Variants in CRB1 observed in about 807,000 individuals in gnomAD.
CRB1 encodes crumbs cell polarity complex component 1, also known as protein crumbs homolog 1.
A neutral mutation model predicts 120.0 loss-of-function variants in CRB1; 83 were observed. That is an observed-to-expected ratio of 0.69 (90% confidence interval 0.58 to 0.83). The LOEUF (loss-of-function observed/expected upper bound fraction) is 0.83, where lower values mean the gene tolerates loss of function less well. Among genes scored for constraint, CRB1 ranks in the 40% least tolerant of loss-of-function variants. The probability of loss-of-function intolerance (pLI) is 0.00; values close to 1 mark genes in which losing one functional copy is unlikely to be tolerated. For synonymous variants in CRB1, 625 were observed against 612.5 expected, an observed-to-expected ratio of 1.02 and a Z score of -0.30; for missense variants, 1,699 against 1,687.6, an observed-to-expected ratio of 1.01 and a Z score of -0.12.
chr1:197,390,823 C>T (rs999730006), intron 5 of CRB1, among the ~76,000 whole-genome samples: 1 of 151,910 alleles, frequency 6.6e-6, no homozygotes, highest in African/African-American at 2.4e-5. Context: ...TGATTGATCT[C>T]TTTTTAGGTA....
chr1:197,342,391 T>C (rs780322608), intron 2 of CRB1, among the ~76,000 whole-genome samples: 12 of 152,198 alleles, frequency 7.9e-5, no homozygotes, highest in Non-Finnish European at 1.6e-4. Context: ...TGTCTGTCAT[T>C]GCTCTCTAAA....
At chr1:197,392,854 G>C (rs1187430320) in intron 5 of CRB1, among the ~76,000 whole-genome samples, 1 of 152,060 alleles carries the variant, frequency 6.6e-6, no homozygotes, top group African/African-American at 2.4e-5. Flanking sequence ...TGTAACTGAA[G>C]AGTTGGGAAT....
At chr1:197,403,582 C>T (rs1044677250) in intron 5 of CRB1, among the ~76,000 whole-genome samples, 2 of 152,010 alleles carry the variant, frequency 1.3e-5, no homozygotes, top group Non-Finnish European at 2.9e-5. Flanking sequence ...TGGTAGATAT[C>T]TGAGTTCTTG....
the CRB1 span, among the ~76,000 whole-genome samples, chr1:197,260,484 A>G: frequency 1.3e-5 from 2 of 151,948 alleles, no homozygotes; most frequent in Admixed American, 6.6e-5. Context: ...ATAAAACCCA[A>G]TGGGAACCCC....
intron 7 of CRB1, chr1:197,428,868 C>T (rs1383413914): frequency 5.0e-6 from 6 of 1,191,090 alleles, no homozygotes; most frequent in African/African-American, 1.5e-5. Flanking sequence ...CCAGGACAAA[C>T]ACAGTTCATG....
intron 5 of CRB1, among the ~76,000 whole-genome samples, chr1:197,415,790 C>T (rs1044327138): frequency 6.6e-6 from 1 of 151,316 alleles, no homozygotes; most frequent in Non-Finnish European, 1.5e-5. Flanking sequence ...CTACAGGCGC[C>T]CACCACCACA....
At chr1:197,322,704 G>C (rs1336955580) in intron 1 of CRB1, among the ~76,000 whole-genome samples, 1 of 151,960 alleles carries the variant, frequency 6.6e-6, no homozygotes, top group Non-Finnish European at 1.5e-5. Flanking sequence ...TATTACTTAG[G>C]AGCTTACCAT....
the CRB1 span, among the ~76,000 whole-genome samples, chr1:197,262,931 G>T: frequency 4.3e-4 from 66 of 152,212 alleles, 1 homozygote; most frequent in East Asian, 0.012. Context: ...ATCCATCGTT[G>T]ATGGGACCCT....
At chr1:197,231,291 A>AC in the CRB1 span, among the ~76,000 whole-genome samples, 1 of 152,082 alleles carries the variant, frequency 6.6e-6, no homozygotes, top group African/African-American at 2.4e-5. Flanking sequence ...GAACAGGACT[A>AC]CCCCCCTCAT....
chr1:197,212,431 T>C, the CRB1 span, among the ~76,000 whole-genome samples: 14 of 152,020 alleles, frequency 9.2e-5, no homozygotes, highest in Non-Finnish European at 1.9e-4. Flanking sequence ...ATACTACTAC[T>C]ACCACACAAA....
chr1:197,248,294 G>A, the CRB1 span, among the ~76,000 whole-genome samples: 1,667 of 152,030 alleles, frequency 0.011, 12 homozygotes, highest in Non-Finnish European at 0.017. Context: ...TGTATAAAAC[G>A]AAATATAATT....
chr1:197,301,528 T>G (rs1369507687), intron 1 of CRB1, among the ~76,000 whole-genome samples: 1 of 152,180 alleles, frequency 6.6e-6, no homozygotes, highest in African/African-American at 2.4e-5. Flanking sequence ...AGTGATTCCT[T>G]TGGCGATTCT....
chr1:197,286,370 C>G (rs1655828056), intron 1 of CRB1, among the ~76,000 whole-genome samples: 1 of 151,832 alleles, frequency 6.6e-6, no homozygotes, highest in Non-Finnish European at 1.5e-5. Context: ...CACAATTATT[C>G]TCATGGAAGT....
chr1:197,378,189 T>C (rs1033065612), intron 5 of CRB1, among the ~76,000 whole-genome samples: 1 of 152,236 alleles, frequency 6.6e-6, no homozygotes, highest in African/African-American at 2.4e-5. Context: ...CAAGCCATTT[T>C]TGGCACATGC....
At chr1:197,474,104 A>G (rs185059875) in intron 11 of CRB1, among the ~76,000 whole-genome samples, 72 of 152,330 alleles carry the variant, frequency 4.7e-4, no homozygotes, top group African/African-American at 1.7e-3. Context: ...AGCAAATAGA[A>G]TTAGGGAAAA....
intron 5 of CRB1, among the ~76,000 whole-genome samples, chr1:197,412,733 T>C (rs1420088561): frequency 1.3e-5 from 2 of 152,214 alleles, no homozygotes; most frequent in African/African-American, 4.8e-5. Flanking sequence ...CAAGATTATA[T>C]CTATTTTTCT....
At chr1:197,411,907 A>G (rs1371378745) in intron 5 of CRB1, among the ~76,000 whole-genome samples, 1 of 151,942 alleles carries the variant, frequency 6.6e-6, no homozygotes, top group Non-Finnish European at 1.5e-5. Context: ...ATTTTTCCTG[A>G]TCCTCTCCCT....
At chr1:197,392,228 A>C (rs1359106101) in intron 5 of CRB1, among the ~76,000 whole-genome samples, 1 of 151,838 alleles carries the variant, frequency 6.6e-6, no homozygotes, top group Non-Finnish European at 1.5e-5. Context: ...CTCTGGTGAC[A>C]AGGCAAAAAA....
chr1:197,354,634 G>A (rs1395252944), intron 4 of CRB1, among the ~76,000 whole-genome samples: 1 of 152,094 alleles, frequency 6.6e-6, no homozygotes, highest in African/African-American at 2.4e-5. Flanking sequence ...TCTCAGGAGT[G>A]AAGCTGCAGA....
Sources: gnomAD v4.1 joint callset for allele counts (sites outside exome capture counted in the v4.1 genomes callset) on GRCh38, gnomAD v4.1.1 for gene constraint, MANE v1.5 for transcripts, NCBI Gene and HGNC (gene_info 2026-07-23, HGNC 2026-07-21) for gene names.